TNS3: variants seen among roughly 807,000 people sequenced by gnomAD.
TNS3 encodes tensin-3.
A neutral mutation model predicts 140.9 loss-of-function variants in TNS3; 45 were observed. That is an observed-to-expected ratio of 0.32 (90% confidence interval 0.25 to 0.41). The LOEUF (loss-of-function observed/expected upper bound fraction) is 0.41. Among genes scored for constraint, TNS3 ranks in the 10% least tolerant of loss-of-function variants. TNS3 has a pLI of 1.00. For missense variants in TNS3, 1,716 were observed against 1,906.7 expected, an observed-to-expected ratio of 0.90 and a Z score of 1.86; for synonymous variants, 815 against 788.4, an observed-to-expected ratio of 1.03 and a Z score of -0.56.
rs1793080390 is a variant in TNS3 at position 47,400,303 on chromosome 7, A to G, written c.919+90T>C. 3.9e-6 allele frequency: 4 copies of G among 1,017,512 alleles called. No homozygotes were observed. The Admixed American group carries it at 6.0e-5, about 15-fold the overall frequency. The allele number at this position is 1,017,512 out of a possible 1,614,324, so 63.0% of individuals were successfully genotyped here. ...GAAATCTCCAAATATGCACAAAGGCAGGAGACTAGTACTACAGCCCCAGCG... is the reference window on the plus strand; with the variant it reads ...GAAATCTCCAAATATGCACAAAGGCGGGAGACTAGTACTACAGCCCCAGCG... On this transcript the variant is annotated intron_variant, in intron 15 of 30. Coordinates refer to ENST00000311160, the MANE Select transcript of TNS3 (RefSeq NM_022748.12).
chr7:47,423,208 C>G (rs1242455703), intron 10 of TNS3, among the ~76,000 whole-genome samples: 1 of 152,248 alleles, frequency 6.6e-6, no homozygotes, highest in East Asian at 1.9e-4. Flanking sequence ...AACTACCTGT[C>G]TCCAAAACGG....
At chr7:47,346,481 T>C in intron 17 of TNS3, 125 bp from the exon 18 acceptor site, 1 of 1,178,904 alleles carries the variant, frequency 8.5e-7, no homozygotes, top group Non-Finnish European at 1.2e-6. Context: ...ACCACTGCTC[T>C]GGGAAGATGC....
chr7:47,284,705 A>C lies in TNS3; in HGVS notation c.3929-840T>G, dbSNP rs185880834. ...CTGAGGAACAGAACTGCCCTCACTC[A>C]CTTGCCCCTTGTCTACTGTATACAT... On this transcript the variant is annotated intron_variant, in intron 27 of 30. Transcript: ENST00000311160. Among the ~76,000 whole-genome samples, 7 of 152,298 alleles carry C rather than the reference A, an allele frequency of 4.6e-5. No individual in the cohort carries two copies. The East Asian group carries it at 1.4e-3, about 29-fold the overall frequency.
In TNS3 at chr7:47,277,989, G is replaced by C; in HGVS notation, c.*87C>G. ...CCTGGAATGTCAGGTTTACTAGTTT[G>C]GTAAAAAGTGGGGGCCCCACCCTCA... On this transcript the variant is annotated 3_prime_UTR_variant, in exon 31 of 31. Coordinates refer to ENST00000311160, the MANE Select transcript of TNS3 (RefSeq NM_022748.12). The C allele has an allele frequency of 6.8e-7, 1 of 1,470,190 alleles. No homozygotes were observed. The highest frequency in any genetic ancestry group is 9.5e-7 in the Non-Finnish European group (1 of 1,054,440). 91.1% of individuals were successfully genotyped at this position (1,470,190 alleles called of 1,614,324 possible).
At chr7:47,469,973 C>G (rs1436457845) in intron 4 of TNS3, among the ~76,000 whole-genome samples, 1 of 64,904 alleles carries the variant, frequency 1.5e-5, no homozygotes, top group Admixed American at 2.0e-4. Flanking sequence ...AACTCTGTCT[C>G]AAAAAAAAAA....
At chr7:47,558,939 C>T (rs533388153) in intron 1 of TNS3, among the ~76,000 whole-genome samples, 10 of 152,318 alleles carry the variant, frequency 6.6e-5, no homozygotes, top group African/African-American at 1.7e-4. Context: ...CTCCCAGAGC[C>T]GAAATCTCCC....
intron 17 of TNS3, among the ~76,000 whole-genome samples, chr7:47,358,146 C>G (rs1790104231): frequency 6.8e-6 from 1 of 147,904 alleles, no homozygotes; most frequent in Non-Finnish European, 1.5e-5. Context: ...AACACTTCAT[C>G]TTTTTTTTTT....
intron 20 of TNS3, among the ~76,000 whole-genome samples, chr7:47,324,309 T>A (rs765411272): frequency 4.6e-5 from 7 of 152,240 alleles, no homozygotes; most frequent in African/African-American, 1.7e-4. Context: ...TTGAATCAGC[T>A]TATCAAGTTC....
intron 13 of TNS3, among the ~76,000 whole-genome samples, chr7:47,402,087 G>A (rs1793199387): frequency 6.6e-6 from 1 of 152,188 alleles, no homozygotes; most frequent in African/African-American, 2.4e-5. Flanking sequence ...GAATTCTGCA[G>A]GGAGGGTCTT....
chr7:47,402,116 C>T (rs1388727866), intron 13 of TNS3, among the ~76,000 whole-genome samples: 1 of 152,182 alleles, frequency 6.6e-6, no homozygotes, highest in Admixed American at 6.5e-5. Flanking sequence ...AGATGAACAT[C>T]CACCAGAGGA....
intron 4 of TNS3, among the ~76,000 whole-genome samples, chr7:47,478,587 C>T (rs1584744488): frequency 6.6e-6 from 1 of 151,984 alleles, no homozygotes; most frequent in Admixed American, 6.5e-5. Context: ...ATACAAGATA[C>T]ATATATTCAC....
At chr7:47,487,127 C>T (rs750932893) in intron 3 of TNS3, among the ~76,000 whole-genome samples, 1 of 152,064 alleles carries the variant, frequency 6.6e-6, no homozygotes, top group Admixed American at 6.6e-5. Flanking sequence ...GGCAAAACCC[C>T]GTCTCTACTA....
chr7:47,441,287 T>A (rs1481110245), intron 5 of TNS3, among the ~76,000 whole-genome samples: 2 of 152,172 alleles, frequency 1.3e-5, no homozygotes, highest in Non-Finnish European at 2.9e-5. Flanking sequence ...AAAGGGATTC[T>A]CCTGCCTCAG....
chr7:47,302,363 A>C, intron 22 of TNS3, 91 bp from the exon 23 acceptor site: 1 of 1,057,800 alleles, frequency 9.5e-7, no homozygotes, highest in Non-Finnish European at 1.5e-6. Flanking sequence ...TCCAAATCCC[A>C]TGCCAAGGGC....
chr7:47,548,986 C>T (rs1799992647), intron 1 of TNS3, among the ~76,000 whole-genome samples: 1 of 152,164 alleles, frequency 6.6e-6, no homozygotes, highest in East Asian at 1.9e-4. Context: ...CACAGCCAAT[C>T]TGTCAGCAAG....
intron 1 of TNS3, among the ~76,000 whole-genome samples, chr7:47,566,025 T>TC (rs1800421894): frequency 1.8e-4 from 1 of 5,670 alleles, no homozygotes; most frequent in African/African-American, 1.9e-4. Flanking sequence ...TTCAGATTAG[T>TC]ATACATATTG....
At chr7:47,564,130 C>T in intron 1 of TNS3, among the ~76,000 whole-genome samples, 1 of 137,822 alleles carries the variant, frequency 7.3e-6, no homozygotes, top group Middle Eastern at 4.0e-3. Context: ...GGAGGTGGAG[C>T]TTGCAGTGAG....
intron 16 of TNS3, among the ~76,000 whole-genome samples, chr7:47,390,797 T>C (rs1792467322): frequency 1.3e-5 from 2 of 152,062 alleles, no homozygotes; most frequent in African/African-American, 4.8e-5. Context: ...CTCCTAAATA[T>C]CTAAAGGCCC....
At chr7:47,349,729 G>A (rs932726951) in intron 17 of TNS3, among the ~76,000 whole-genome samples, 9 of 152,166 alleles carry the variant, frequency 5.9e-5, no homozygotes, top group Non-Finnish European at 1.2e-4. Context: ...TGAAACGCCA[G>A]GAAAAAACAG....
Sources: gnomAD v4.1 joint callset for allele counts (sites outside exome capture counted in the v4.1 genomes callset) on GRCh38, gnomAD v4.1.1 for gene constraint, MANE v1.5 for transcripts, NCBI Gene and HGNC (gene_info 2026-07-23, HGNC 2026-07-21) for gene names.